DST: variants seen among roughly 807,000 people sequenced by gnomAD.
DST encodes the protein dystonin.
A neutral mutation model predicts 875.2 loss-of-function variants in DST; 253 were observed. That is an observed-to-expected ratio of 0.29 (90% CI 0.26 to 0.32). The LOEUF (loss-of-function observed/expected upper bound fraction) is 0.32. Ranked by LOEUF, DST falls within the 10% of genes least tolerant of loss-of-function variation. The probability of loss-of-function intolerance (pLI) is 1.00; values close to 1 mark genes in which losing one functional copy is unlikely to be tolerated. For synonymous variants in DST, 3,124 were observed against 3,197.1 expected (o/e 0.98, Z 0.77); for missense variants, 8,287 against 9,111.6 (o/e 0.91, Z 3.68).
chr6:56,806,408 A>T (rs905103874), intron 4 of DST, among the ~76,000 whole-genome samples: 6 of 152,214 alleles, frequency 3.9e-5, no homozygotes, highest in African/African-American at 1.4e-4. Flanking sequence ...GCAAAAGCAG[A>T]AAGCAATATT....
Position 56,631,192 on chromosome 6 carries a change from T to C in DST, c.4142+19A>G. ...GAGTTGTATGAAGCAATTTATATATTGAGATAGCAGTTACATACTTATCTA... is the reference window on the plus strand; with the variant it reads ...GAGTTGTATGAAGCAATTTATATATCGAGATAGCAGTTACATACTTATCTA... On this transcript the variant is annotated intron_variant, in intron 30 of 103. Coordinates refer to ENST00000680361, the MANE Select transcript of DST (RefSeq NM_001374736.1). 6.9e-7 allele frequency: 1 copy of C among 1,458,970 alleles called. No individual in the cohort carries two copies. The highest frequency in any genetic ancestry group is 9.4e-7 in the Non-Finnish European group (1 of 1,064,658). 90.4% of individuals were successfully genotyped at this position (1,458,970 alleles called of 1,614,324 possible). A position where few individuals can be genotyped will look rare whatever the true frequency, so the allele number is the denominator to read the frequency against.
At chr6:56,530,185 A>C (rs1190167716) in intron 64 of DST, 52 bp from the exon 65 acceptor site, 11 of 1,411,678 alleles carry the variant, frequency 7.8e-6, no homozygotes, top group Non-Finnish European at 1.0e-5. Context: ...TGAAATATTC[A>C]ACAAAAATCT....
rs2098811325 is a variant in DST at position 56,634,848 on chromosome 6, T to C, written c.3292A>G (p.Lys1098Glu). The C allele has an allele frequency of 1.9e-6, 3 of 1,614,084 alleles. No homozygotes were observed. Among genetic ancestry groups the C allele is most frequent in the Non-Finnish European group, 2.5e-6 (3 of 1,180,010 alleles). ...ATAGCTTTGATCGGAATAGAAGTTT[T>C]GAGTGGACAGTCAGAATTCCTTGGC... ...LKPRNSDCPL[K>E]TSIPIKAICD... Residue 1098 changes from lysine (K) to glutamate (E), a missense_variant, in exon 25 of 104, where the codon AAA becomes GAA. Physicochemically the swap from Lys to Glu is moderately conservative, Grantham distance 56. Coordinates refer to ENST00000680361, the MANE Select transcript of DST (RefSeq NM_001374736.1).
At position 56,670,719 on chromosome 6, in the gene DST, T is replaced by G. The variant is rs2099096867; in HGVS notation, c.1136A>C (p.Tyr379Ser). The change falls in exon 10 of 104, where the codon TAT (tyrosine) becomes TCT (serine). Residue 379 changes from tyrosine to serine, a missense_variant. Transcript: ENST00000680361. ...GAAATTTTCACACCGAATTCCAGCA[T>G]AACCCTCTGTTGCCTGCTGCGTCCA... ...LLWTQQATEG[Y>S]AGIRCENFTT... 6.2e-7 allele frequency: 1 copy of G among 1,610,692 alleles called. No individual in the cohort carries two copies. Among genetic ancestry groups the G allele is most frequent in the Non-Finnish European group, 8.5e-7 (1 of 1,178,326 alleles).
chr6:56,769,142 A>G (rs1564082629), intron 4 of DST, among the ~76,000 whole-genome samples: 2 of 152,224 alleles, frequency 1.3e-5, no homozygotes, highest in Admixed American at 1.3e-4. Context: ...AAAATATCTG[A>G]ACAGACAGTT....
intron 9 of DST, chr6:56,692,691 G>A (rs771451472): frequency 1.2e-5 from 16 of 1,289,492 alleles, no homozygotes; most frequent in Middle Eastern, 2.1e-4. Context: ...TCCTCTTTGC[G>A]CAATATGGAG....
In DST at chr6:56,608,986, G is replaced by A. The variant is rs1287560792; in HGVS notation, c.5642C>T (p.Ser1881Phe). 1.9e-6 allele frequency: 3 copies of A among 1,613,886 alleles called. No individual in the cohort carries two copies. Among genetic ancestry groups the A allele is most frequent in the Non-Finnish European group, 2.5e-6 (3 of 1,179,820 alleles). ...KVLEILLSTGSLVIPATGEQL... is the reference protein window; with the variant it reads ...KVLEILLSTGFLVIPATGEQL... ...TTCTCCTGTGGCTGGAATAACCAGA[G>A]AGCCTGTAGAAAGCAGTATCTCAAG... The change falls in exon 40 of 104, where the codon TCT becomes TTT. Residue 1881 changes from serine (S) to phenylalanine (F), a missense_variant. Transcript: ENST00000680361.
At chr6:56,555,161 A>T (rs60079172) in intron 60 of DST, among the ~76,000 whole-genome samples, 184 bp downstream of exon 60, 1 of 152,246 alleles carries the variant, frequency 6.6e-6, no homozygotes, top group African/African-American at 2.4e-5. Context: ...AATGACCCTA[A>T]CATTCCATGT....
intron 4 of DST, among the ~76,000 whole-genome samples, chr6:56,825,310 T>C (rs1032530181): frequency 6.8e-6 from 1 of 147,888 alleles, no homozygotes; most frequent in African/African-American, 2.5e-5. Context: ...GCATGCTCGT[T>C]AAGAGTCATC....
chr6:56,506,360 T>G (rs144869816), intron 77 of DST, 83 bp downstream of exon 77: 3 of 1,101,262 alleles, frequency 2.7e-6, no homozygotes, highest in Non-Finnish European at 3.9e-6. Flanking sequence ...TGGCAGATCT[T>G]GAGGTGGTGC....
intron 22 of DST, among the ~76,000 whole-genome samples, chr6:56,636,869 G>A (rs564778397): frequency 2.8e-4 from 42 of 152,240 alleles, no homozygotes; most frequent in Admixed American, 5.2e-4. Context: ...ATCACCTGAG[G>A]TCAGGAGTTC....
At chr6:56,943,362 G>T (rs1231791239) in intron 2 of DST, among the ~76,000 whole-genome samples, 2 of 147,998 alleles carry the variant, frequency 1.4e-5, no homozygotes, top group Non-Finnish European at 3.0e-5. Context: ...ACTCTCAAAG[G>T]ATGAAAGTCC....
chr6:56,605,889 A>AT lies in DST; in HGVS notation c.8738dup (p.His2913GlnfsTer2). Reference sequence around the variant, plus strand: ...GCAATACATCCTTAAGTACCATCTCATGGTTCAACAGATTTTCTTTGCTTT... The same window carrying AT: ...GCAATACATCCTTAAGTACCATCTCATTGGTTCAACAGATTTTCTTTGCTTT... On this transcript the variant is annotated frameshift_variant, in exon 40 of 104. Transcript: ENST00000680361. LOFTEE classifies it high-confidence loss of function. 6.2e-7 allele frequency: 1 copy of AT among 1,610,236 alleles called. No homozygotes were observed. Among genetic ancestry groups the AT allele is most frequent in the Non-Finnish European group, 8.5e-7 (1 of 1,177,052 alleles).
chr6:56,728,486 C>T (rs1008330630), intron 5 of DST, among the ~76,000 whole-genome samples: 3 of 152,074 alleles, frequency 2.0e-5, no homozygotes, highest in Non-Finnish European at 4.4e-5. Flanking sequence ...GCAGTCTGGC[C>T]AACATATTGA....
Position 56,555,806 on chromosome 6 carries a change from T to C in DST, c.14675A>G (p.Gln4892Arg), listed in dbSNP as rs1309519871. ...LLQEFATRKPQYEQLTAAGQG... is the reference protein window; with the variant it reads ...LLQEFATRKPRYEQLTAAGQG... ...ACCAGCTGCTGTCAGCTGTTCATAT[T>C]GAGGTTTCCGAGTGGCGAATTCTTG... Residue 4892 changes from glutamine to arginine, a missense_variant, in exon 60 of 104, where the codon CAA becomes CGA. By Grantham distance (43) the Gln-to-Arg change is conservative. Transcript: ENST00000680361. 15 of 1,524,610 alleles carry C rather than the reference T, an allele frequency of 9.8e-6. No individual in the cohort carries two copies. The highest frequency in any genetic ancestry group is 1.3e-5 in the Non-Finnish European group (15 of 1,134,488). 94.4% of individuals were successfully genotyped at this position (1,524,610 alleles called of 1,614,324 possible).
intron 9 of DST, among the ~76,000 whole-genome samples, chr6:56,682,593 G>A (rs1350362054): frequency 6.6e-6 from 1 of 152,170 alleles, no homozygotes; most frequent in East Asian, 1.9e-4. Context: ...GGAACTAAAA[G>A]AAGGTGCAGA....
At chr6:56,897,394 C>T (rs924402087) in intron 3 of DST, among the ~76,000 whole-genome samples, 1 of 151,798 alleles carries the variant, frequency 6.6e-6, no homozygotes, top group Admixed American at 6.6e-5. Context: ...TGCAATGGCA[C>T]GATCTTGGCT....
chr6:56,627,429 A>G, intron 33 of DST, 142 bp from the exon 34 acceptor site: 1 of 713,330 alleles, frequency 1.4e-6, no homozygotes, highest in Non-Finnish European at 2.5e-6. Context: ...AACTTGCCTT[A>G]TGGGAAAATT....
intron 3 of DST, among the ~76,000 whole-genome samples, chr6:56,884,740 T>C (rs1783832141): frequency 6.6e-6 from 1 of 152,094 alleles, no homozygotes; most frequent in Non-Finnish European, 1.5e-5. Flanking sequence ...ATTTTTTTTT[T>C]CTTTTTGAGA....
Sources: gnomAD v4.1 joint callset for allele counts (sites outside exome capture counted in the v4.1 genomes callset) on GRCh38, gnomAD v4.1.1 for gene constraint, MANE v1.5 for transcripts, NCBI Gene and HGNC (gene_info 2026-07-23, HGNC 2026-07-21) for gene names.